The following NUP88 variants were observed in gnomAD, a reference collection of about 807,000 sequenced individuals.
NUP88 encodes nucleoporin 88, also known as nuclear pore complex protein Nup88.
Under a neutral mutation model 93.9 loss-of-function variants are expected in NUP88, and 57 were observed. The observed-to-expected ratio is 0.61, with a 90% confidence interval of 0.49 to 0.76. The LOEUF (loss-of-function observed/expected upper bound fraction) is 0.76. Ranked by LOEUF, NUP88 falls within the 30% of genes least tolerant of loss-of-function variation. The probability of loss-of-function intolerance (pLI) is 0.00; values close to 1 mark genes in which losing one functional copy is unlikely to be tolerated. For synonymous variants in NUP88, 346 were observed against 336.8 expected, an observed-to-expected ratio of 1.03 and a Z score of -0.30; for missense variants, 911 against 901.0, an observed-to-expected ratio of 1.01 and a Z score of -0.14.
intron 10 of NUP88, among the ~76,000 whole-genome samples, chr17:5,389,401 T>C (rs1597313900): frequency 6.6e-6 from 1 of 152,300 alleles, no homozygotes; most frequent in East Asian, 1.9e-4. Context: ...CAAGTGCAAA[T>C]ACTCAAACTT....
intron 13 of NUP88, 49 bp downstream of exon 13, chr17:5,387,556 G>A (rs1377636364): frequency 6.3e-7 from 1 of 1,594,830 alleles, no homozygotes; most frequent in South Asian, 1.1e-5. Flanking sequence ...GTGAGAATAT[G>A]GTTCCAGTCT....
chr17:5,399,295 T>C lies in NUP88; in HGVS notation c.1291+257A>G, dbSNP rs573189748. On this transcript the variant is annotated intron_variant, in intron 8 of 16. Transcript: ENST00000573584. ...ATTTGTCCATTCCATCTAGATTATG[T>C]AAATGGCATACATTTGTTCATAATA... Among the ~76,000 whole-genome samples the C allele has an allele frequency of 4.0e-5, 6 of 151,136 alleles. No individual in the cohort carries two copies. The East Asian group carries it at 9.8e-4, about 25-fold the overall frequency.
intron 5 of NUP88, among the ~76,000 whole-genome samples, chr17:5,408,447 A>G (rs529294294): frequency 1.3e-5 from 2 of 152,350 alleles, no homozygotes; most frequent in Admixed American, 6.5e-5. Flanking sequence ...TTGTTCATAT[A>G]AGATAAACAA....
rs1914167311 is a variant in NUP88 at position 5,416,660 on chromosome 17, G to A, written c.320C>T (p.Pro107Leu). The A allele has an allele frequency of 3.1e-6, 5 of 1,606,354 alleles. No individual in the cohort carries two copies. Among genetic ancestry groups the A allele is most frequent in the Non-Finnish European group, 4.2e-6 (5 of 1,177,840 alleles). Residue 107 changes from proline (P) to leucine (L), a missense_variant, in exon 2 of 17, where the codon CCC (proline) becomes CTC (leucine). By Grantham distance (98) the Pro-to-Leu change is moderately conservative. Coordinates refer to ENST00000573584, the MANE Select transcript of NUP88 (RefSeq NM_002532.6). ...QYQRLLCINP[P>L]LFEIYQVLLS... ...CAAGACTTGATAGATTTCAAACAGG[G>A]GTGGATTTATGCAAAGCAATCTCTG...
At chr17:5,412,413 A>T (rs536254104) in intron 3 of NUP88, among the ~76,000 whole-genome samples, 1 of 152,324 alleles carries the variant, frequency 6.6e-6, no homozygotes, top group Non-Finnish European at 1.5e-5. Flanking sequence ...TTAGTCACTT[A>T]GTAGCTGTCT....
In NUP88 at chr17:5,404,262, T is replaced by C. The variant is rs1340721501; in HGVS notation, c.1045-16A>G. 6.2e-7 allele frequency: 1 copy of C among 1,609,988 alleles called. No homozygotes were observed. Among genetic ancestry groups the C allele is most frequent in the Non-Finnish European group, 8.5e-7 (1 of 1,178,146 alleles). ...ACTTTTCTGACTGTAAAAAAAAGTG[T>C]TGTAATTTTGATCTTGCATGTTAAT... On this transcript the variant is annotated splice_polypyrimidine_tract_variant and intron_variant, in intron 6 of 16. Transcript: ENST00000573584.
rs779114702 is a variant in NUP88, at chr17:5,388,958, C to A, written c.1487G>T (p.Ser496Ile). Reference sequence around the variant, plus strand: ...GGGAGGAGACGCTGGATGGACTGTACTTCTGCAAAATAAGTAAGTAAATTG... The same window carrying A: ...GGGAGGAGACGCTGGATGGACTGTAATTCTGCAAAATAAGTAAGTAAATTG... ...TYECLIWPLL[S>I]TVHPASPPLL... Residue 496 changes from serine (S) to isoleucine (I), a missense_variant and splice_region_variant, in exon 11 of 17, where the codon AGT (serine) becomes ATT (isoleucine). Transcript: ENST00000573584. 1.9e-6 allele frequency: 3 copies of A among 1,598,938 alleles called. No individual in the cohort carries two copies. The highest frequency in any genetic ancestry group is 2.6e-6 in the Non-Finnish European group (3 of 1,172,970).
chr17:5,396,835 C>T (rs756350851), intron 8 of NUP88, among the ~76,000 whole-genome samples: 113 of 152,134 alleles, frequency 7.4e-4, no homozygotes, highest in Non-Finnish European at 1.3e-3. Context: ...GTGGATATGA[C>T]GTGATACCTC....
intron 8 of NUP88, among the ~76,000 whole-genome samples, chr17:5,399,349 G>A (rs1472429291): frequency 1.3e-5 from 2 of 151,674 alleles, no homozygotes; most frequent in African/African-American, 4.8e-5. Context: ...TTTCTGTAAG[G>A]TCAATAGTAA....
chr17:5,406,481 C>T (rs1464677655), intron 5 of NUP88, among the ~76,000 whole-genome samples: 7 of 152,162 alleles, frequency 4.6e-5, no homozygotes, highest in Non-Finnish European at 1.0e-4. Context: ...AACAGTATAT[C>T]ACTAGAGGTT....
chr17:5,389,065 T>C, intron 10 of NUP88, 105 bp from the exon 11 acceptor site: 1 of 853,896 alleles, frequency 1.2e-6, no homozygotes, highest in Non-Finnish European at 1.7e-6. Context: ...TAAAATAAAG[T>C]GTAACTTTTG....
At position 5,385,177 on chromosome 17, in the gene NUP88, T is replaced by C. The variant is rs1421122823; in HGVS notation, c.*1029A>G. ...AAAAACCCAAACTGAGACTCTTAAG[T>C]TTTGTTTAGCAATGTGTTTCTGGTA... On this transcript the variant is annotated 3_prime_UTR_variant, in exon 17 of 17. Coordinates refer to ENST00000573584, the MANE Select transcript of NUP88 (RefSeq NM_002532.6). 4.4e-5 allele frequency: 10 copies of C among 229,786 alleles called. No homozygotes were observed. Among genetic ancestry groups the C allele is most frequent in the Non-Finnish European group, 7.8e-5 (9 of 115,996 alleles). 14.2% of individuals were successfully genotyped at this position (229,786 alleles called of 1,614,324 possible). A position where few individuals can be genotyped will look rare whatever the true frequency, so the allele number is the denominator to read the frequency against.
At chr17:5,390,163 C>CAA (rs34058484) in intron 10 of NUP88, among the ~76,000 whole-genome samples, 15,832 of 88,886 alleles carry the variant, frequency 0.18, 1,673 homozygotes, top group East Asian at 0.6. Context: ...AACTCCGTCT[C>CAA]AAAAAAAAAA....
chr17:5,405,886 T>G (rs1281337249), intron 5 of NUP88, among the ~76,000 whole-genome samples: 2 of 152,250 alleles, frequency 1.3e-5, no homozygotes, highest in African/African-American at 4.8e-5. Flanking sequence ...GATTCTGTTG[T>G]ATGCTTTGAC....
intron 2 of NUP88, 54 bp from the exon 3 acceptor site, chr17:5,414,188 C>A: frequency 6.5e-7 from 1 of 1,536,530 alleles, no homozygotes; most frequent in South Asian, 1.1e-5. Flanking sequence ...GGATGAAAAT[C>A]TTCTAAAGGA....
chr17:5,399,017 T>C (rs1486482915), intron 8 of NUP88, among the ~76,000 whole-genome samples: 2 of 151,658 alleles, frequency 1.3e-5, no homozygotes, highest in African/African-American at 2.4e-5. Flanking sequence ...GTCTCCCGAG[T>C]AGCTGGGACT....
rs1912044775 is a variant in NUP88, at chr17:5,387,077, C to T, written c.1950G>A (p.Glu650=). The T allele has an allele frequency of 6.2e-7, 1 of 1,613,976 alleles. No homozygotes were observed. The change falls in exon 15 of 17, where the codon GAG becomes GAA. Residue 650 remains glutamate, a synonymous_variant. Coordinates refer to ENST00000573584, the MANE Select transcript of NUP88 (RefSeq NM_002532.6). ...MKKLLHSFHS[E]LPVLSDSERD... ...GCTCACTATCAGAGAGAACTGGGAG[C>T]TCAGAGTGAAAACTGTGAAGTAGTT...
chr17:5,404,223 C>T lies in NUP88; in HGVS notation c.1068G>A (p.Arg356=). The T allele has an allele frequency of 6.2e-7, 1 of 1,613,450 alleles. No homozygotes were observed. The highest frequency in any genetic ancestry group is 1.1e-5 in the South Asian group (1 of 90,794). ...DHTSEKSWDS[R]IDLIPSLYVF... ...CATACAGAGAAGGAATGAGGTCAAT[C>T]CTGGAATCCCAGGACTTTTCTGACT... The change falls in exon 7 of 17, where the codon AGG becomes AGA. Residue 356 remains arginine (R), a synonymous_variant. Coordinates refer to ENST00000573584, the MANE Select transcript of NUP88 (RefSeq NM_002532.6).
chr17:5,416,312 C>A (rs1914148751), intron 2 of NUP88, among the ~76,000 whole-genome samples: 1 of 151,752 alleles, frequency 6.6e-6, no homozygotes, highest in African/African-American at 2.4e-5. Context: ...AATGAGACAG[C>A]AACGTGGTAC....
Sources: allele counts gnomAD v4.1 joint callset (sites outside exome capture counted in the v4.1 genomes callset), GRCh38; gene constraint gnomAD v4.1.1; transcripts MANE v1.5; gene names NCBI Gene and HGNC (gene_info 2026-07-23, HGNC 2026-07-21).